The following SERPINB12 variants were observed in gnomAD, a reference collection of about 807,000 sequenced individuals.
SERPINB12 encodes serpin B12.
Under a neutral mutation model 41.1 loss-of-function variants are expected in SERPINB12, and 57 were observed. That is an observed-to-expected ratio of 1.39 (90% CI 1.12 to 1.73). SERPINB12 has a LOEUF of 1.73. Ranked by LOEUF, SERPINB12 falls within the 40% of genes most tolerant of loss-of-function variation. The probability of loss-of-function intolerance (pLI) is 0.00; values close to 1 mark genes in which losing one functional copy is unlikely to be tolerated. For synonymous variants in SERPINB12, 180 were observed against 181.3 expected (o/e 0.99, Z 0.06); for missense variants, 536 against 501.9 (o/e 1.07, Z -0.65).
At chr18:63,522,621 T>G in the SERPINB12 span, among the ~76,000 whole-genome samples, 93 of 152,218 alleles carry the variant, frequency 6.1e-4, 2 homozygotes, top group African/African-American at 2.2e-3. Context: ...ATTAGCAGTT[T>G]CACAAATTCA....
rs146566282 is a variant in SERPINB12 at position 63,567,587 on chromosome 18, G to A, written c.*576G>A. 3.8e-3 allele frequency among the ~76,000 whole-genome samples: 582 copies of A among 152,308 alleles called. 3 individuals carry two copies. The highest frequency in any genetic ancestry group is 0.013 in the African/African-American group (547 of 41,564). On this transcript the variant is annotated 3_prime_UTR_variant, in exon 8 of 8. Coordinates refer to ENST00000382768, the MANE Select transcript of SERPINB12 (RefSeq NM_001307928.2). ...ACCTAGGACAAGGCAGGGCTTGGGC[G>A]TATTTAAGTGATAGCTCAAAGATGT...
At chr18:63,541,306 T>C (rs1265539777), upstream of SERPINB12, among the ~76,000 whole-genome samples, 2 of 152,096 alleles carry the variant, frequency 1.3e-5, no homozygotes, top group African/African-American at 4.8e-5. Context: ...TATAGTGGGG[T>C]AGGGTCTTCA....
the SERPINB12 span, among the ~76,000 whole-genome samples, chr18:63,536,885 GA>G: frequency 1.3e-5 from 2 of 152,052 alleles, no homozygotes; most frequent in Non-Finnish European, 2.9e-5. Flanking sequence ...CCAATCAAAG[GA>G]GGAGTTGGTA....
rs80262583 is a variant in SERPINB12 at position 63,566,122 on chromosome 18, T to C, written c.874-485T>C. ...GTCCAGGGGGGTAAAGAGATAAAGA[T>C]AGAAGGAGAGAGAAAGTGAGAAAGG... On this transcript the variant is annotated intron_variant, in intron 7 of 7. Transcript: ENST00000382768. Among the ~76,000 whole-genome samples, 1,287 of 152,172 alleles carry C rather than the reference T, an allele frequency of 8.5e-3. 125 individuals are homozygous for C. The East Asian group carries it at 0.21, about 25-fold the overall frequency.
chr18:63,556,258 G>A lies in SERPINB12; in HGVS notation c.99G>A (p.Leu33=), dbSNP rs1910671957. ...ATAAAAACATATTTTTCTCTCCCCT[G>A]AGCCTCTCAGCTGCCCTTGGTATGG... ...DRHKNIFFSP[L]SLSAALGMVR... The change falls in exon 2 of 8, where the codon CTG becomes CTA. Residue 33 remains leucine, a synonymous_variant. Coordinates refer to ENST00000382768, the MANE Select transcript of SERPINB12 (RefSeq NM_001307928.2). 2 of 1,614,018 alleles carry A rather than the reference G, an allele frequency of 1.2e-6. No individual in the cohort carries two copies. Among genetic ancestry groups the A allele is most frequent in the African/African-American group, 2.7e-5 (2 of 75,016 alleles).
intron 7 of SERPINB12, among the ~76,000 whole-genome samples, chr18:63,565,831 T>C (rs1449861240): frequency 6.6e-6 from 1 of 152,252 alleles, no homozygotes; most frequent in East Asian, 1.9e-4. Flanking sequence ...TCTTCTTTAA[T>C]CTCATAGCTC....
chr18:63,533,376 TGAC>T, the SERPINB12 span, among the ~76,000 whole-genome samples: 1 of 152,242 alleles, frequency 6.6e-6, no homozygotes, highest in African/African-American at 2.4e-5. Flanking sequence ...CTTTCAACCT[TGAC>T]AATTTGATAT....
chr18:63,559,948 G>C (rs1910847253), intron 4 of SERPINB12, among the ~76,000 whole-genome samples: 1 of 152,144 alleles, frequency 6.6e-6, no homozygotes, highest in African/African-American at 2.4e-5. Context: ...GGAATAGAGT[G>C]GGTGGGAAAA....
chr18:63,545,150 G>A (rs1910355944), intron 1 of SERPINB12, among the ~76,000 whole-genome samples: 1 of 151,998 alleles, frequency 6.6e-6, no homozygotes, highest in African/African-American at 2.4e-5. Flanking sequence ...TACCTAGGAG[G>A]AATCATCTAG....
intron 1 of SERPINB12, among the ~76,000 whole-genome samples, chr18:63,553,178 C>CAG: frequency 6.6e-6 from 1 of 152,216 alleles, no homozygotes; most frequent in Admixed American, 6.5e-5. Context: ...CAGAAACAGG[C>CAG]AGAGAGAGTT....
At chr18:63,554,953 C>T (rs1353713694) in intron 1 of SERPINB12, among the ~76,000 whole-genome samples, 2 of 152,104 alleles carry the variant, frequency 1.3e-5, no homozygotes, top group Non-Finnish European at 2.9e-5. Context: ...TTTGGCAGTT[C>T]CTCCTTTTCT....
the SERPINB12 span, among the ~76,000 whole-genome samples, chr18:63,533,521 A>G: frequency 6.6e-6 from 1 of 152,190 alleles, no homozygotes; most frequent in Non-Finnish European, 1.5e-5. Flanking sequence ...TCATTTATCC[A>G]ACCCTTTAAT....
chr18:63,551,117 A>C (rs1053107429), intron 1 of SERPINB12, among the ~76,000 whole-genome samples: 1 of 151,676 alleles, frequency 6.6e-6, no homozygotes, highest in African/African-American at 2.4e-5. Flanking sequence ...AAAATACAAA[A>C]AATTAGCCGG....
Position 63,561,077 on chromosome 18 carries a change from T to C in SERPINB12, c.445-8T>C. On this transcript the variant is annotated splice_region_variant and splice_polypyrimidine_tract_variant and intron_variant, in intron 4 of 7. Transcript: ENST00000382768. The stretch of plus-strand genomic sequence containing the variant: ...TTGCATTATTTCCCTTTTATTCCAA[T>C]GGAACAGGAATACTTAGATGGTGTG... 8 of 1,563,144 alleles carry C rather than the reference T, an allele frequency of 5.1e-6. No homozygotes were observed. Among genetic ancestry groups the C allele is most frequent in the Non-Finnish European group, 7.0e-6 (8 of 1,135,290 alleles).
At chr18:63,525,452 TACA>T in the SERPINB12 span, among the ~76,000 whole-genome samples, 48 of 152,274 alleles carry the variant, frequency 3.2e-4, no homozygotes, top group Admixed American at 1.6e-3. Context: ...TAGCTTCTCA[TACA>T]ACAATTTTTA....
At chr18:63,563,944 C>A in intron 5 of SERPINB12, 34 bp from the exon 6 acceptor site, 1 of 1,557,150 alleles carries the variant, frequency 6.4e-7, no homozygotes, top group South Asian at 1.2e-5. Context: ...TGATACAATT[C>A]ATACTCAGGA....
At chr18:63,559,255 C>T (rs1403522663) in intron 3 of SERPINB12, among the ~76,000 whole-genome samples, 1 of 151,832 alleles carries the variant, frequency 6.6e-6, no homozygotes, top group African/African-American at 2.4e-5. Flanking sequence ...CAGGCATGAG[C>T]CACCATGCCT....
At position 63,556,272 on chromosome 18, in the gene SERPINB12, C is replaced by G; in HGVS notation, c.113C>G (p.Ala38Gly). The change falls in exon 2 of 8, where the codon GCC becomes GGC. Residue 38 changes from alanine to glycine, a missense_variant. Transcript: ENST00000382768. The part of the protein sequence containing the change: ...IFFSPLSLSA[A>G]LGMVRLGARS... ...TTCTCTCCCCTGAGCCTCTCAGCTG[C>G]CCTTGGTATGGTACGCTTGGGTGCT... The G allele has an allele frequency of 2.5e-6, 4 of 1,614,094 alleles. No homozygotes were observed. The highest frequency in any genetic ancestry group is 3.4e-6 in the Non-Finnish European group (4 of 1,179,980).
upstream of SERPINB12, among the ~76,000 whole-genome samples, chr18:63,540,253 A>G (rs1910246609): frequency 6.6e-6 from 1 of 152,162 alleles, no homozygotes; most frequent in South Asian, 2.1e-4. Context: ...GTTTTAGGAG[A>G]GGAAAATGGG....
Sources: allele counts gnomAD v4.1 joint callset (sites outside exome capture counted in the v4.1 genomes callset), GRCh38; gene constraint gnomAD v4.1.1; transcripts MANE v1.5; gene names NCBI Gene and HGNC (gene_info 2026-07-23, HGNC 2026-07-21).